HAPSTR1: variants seen among roughly 807,000 people sequenced by gnomAD.
HAPSTR1 encodes HUWE1 associated protein modifying stress responses.
the HAPSTR1 span, chr16:9,106,023 G>C: frequency 1.3e-5 from 2 of 152,320 alleles, no homozygotes; most frequent in East Asian, 1.9e-4. Flanking sequence ...TGTAGACAGA[G>C]TATGACAATG....
the HAPSTR1 span, chr16:9,092,947 T>G: frequency 6.2e-7 from 1 of 1,610,824 alleles, no homozygotes; most frequent in Non-Finnish European, 8.5e-7. Flanking sequence ...GCCAGGACTT[T>G]CTCTCTGGGT....
At chr16:9,112,143 A>G in the HAPSTR1 span, 1 of 152,178 alleles carries the variant, frequency 6.6e-6, no homozygotes, top group Non-Finnish European at 1.5e-5. Context: ...AATTACTGAA[A>G]TCTTCCTAGT....
the HAPSTR1 span, among the ~76,000 whole-genome samples, chr16:9,098,319 G>T: frequency 6.6e-6 from 1 of 152,270 alleles, no homozygotes; most frequent in South Asian, 2.1e-4. Context: ...GGCAGCAAGA[G>T]CGAAAATCCA....
At chr16:9,117,093 A>C in the HAPSTR1 span, 1 of 830,842 alleles carries the variant, frequency 1.2e-6, no homozygotes, top group Non-Finnish European at 1.8e-6. Flanking sequence ...TCTTGTAATT[A>C]TGGCTTTCTT....
At chr16:9,102,859 A>T in the HAPSTR1 span, 1 of 902,172 alleles carries the variant, frequency 1.1e-6, no homozygotes, top group Non-Finnish European at 1.7e-6. Flanking sequence ...AGTTTATATT[A>T]CTGATGGGCT....
At chr16:9,108,794 A>G in the HAPSTR1 span, 1 of 152,082 alleles carries the variant, frequency 6.6e-6, no homozygotes, top group South Asian at 2.1e-4. Flanking sequence ...AACATGCTTG[A>G]CTTCTCCAAG....
the HAPSTR1 span, among the ~76,000 whole-genome samples, chr16:9,092,428 G>A: frequency 6.6e-6 from 1 of 152,038 alleles, no homozygotes; most frequent in South Asian, 2.1e-4. Flanking sequence ...CTCCCCGCAA[G>A]ATGGCGCCGC....
the HAPSTR1 span, among the ~76,000 whole-genome samples, chr16:9,102,241 G>A: frequency 6.6e-6 from 1 of 152,228 alleles, no homozygotes; most frequent in Non-Finnish European, 1.5e-5. Flanking sequence ...ACATACTGGT[G>A]ATGTTCTGCT....
the HAPSTR1 span, chr16:9,104,699 GAC>G: frequency 6.6e-6 from 1 of 152,212 alleles, no homozygotes; most frequent in Admixed American, 6.5e-5. Context: ...CACTGTTCCT[GAC>G]ACAGTGGAAT....
chr16:9,108,303 A>G, the HAPSTR1 span: 2 of 152,098 alleles, frequency 1.3e-5, no homozygotes, highest in Non-Finnish European at 2.9e-5. Context: ...CCAAAATGCA[A>G]ATTTTTTTTT....
At chr16:9,093,789 T>A in the HAPSTR1 span, among the ~76,000 whole-genome samples, 1 of 152,112 alleles carries the variant, frequency 6.6e-6, no homozygotes, top group East Asian at 1.9e-4. Flanking sequence ...TTGGTAACGG[T>A]GGGTTTAGAT....
the HAPSTR1 span, among the ~76,000 whole-genome samples, chr16:9,095,114 A>G: frequency 6.6e-6 from 1 of 152,228 alleles, no homozygotes; most frequent in Non-Finnish European, 1.5e-5. Context: ...TGTTAGTCTG[A>G]ACTAGTTTTA....
At chr16:9,101,992 G>A in the HAPSTR1 span, among the ~76,000 whole-genome samples, 3 of 152,148 alleles carry the variant, frequency 2.0e-5, no homozygotes, top group Admixed American at 2.0e-4. Flanking sequence ...ATGGTGGCGT[G>A]CGCCTGTAAT....
the HAPSTR1 span, chr16:9,092,885 C>CT: frequency 2.6e-6 from 4 of 1,512,970 alleles, no homozygotes; most frequent in African/African-American, 1.4e-5. Flanking sequence ...TTTCTTTTTT[C>CT]TTTTTGGTTT....
At chr16:9,094,346 G>T in the HAPSTR1 span, among the ~76,000 whole-genome samples, 1 of 152,090 alleles carries the variant, frequency 6.6e-6, no homozygotes, top group African/African-American at 2.4e-5. Flanking sequence ...ACATCTATCA[G>T]TGCTGACGGT....
the HAPSTR1 span, chr16:9,091,889 C>T: frequency 9.8e-6 from 5 of 512,418 alleles, no homozygotes; most frequent in Non-Finnish European, 1.5e-5. Flanking sequence ...GGCTCGCCGG[C>T]CGTCGGGGTG....
the HAPSTR1 span, chr16:9,118,187 C>T: frequency 4.6e-5 from 7 of 152,536 alleles, no homozygotes; most frequent in Admixed American, 4.6e-4. Context: ...TGATGTCAGC[C>T]TGCCAGGTAC....
the HAPSTR1 span, chr16:9,106,567 T>A: frequency 1.3e-5 from 2 of 152,000 alleles, no homozygotes; most frequent in African/African-American, 4.8e-5. Flanking sequence ...ATTGCAGGTG[T>A]GAGCCACTGT....
the HAPSTR1 span, chr16:9,112,364 T>G: frequency 6.6e-6 from 1 of 152,258 alleles, no homozygotes; most frequent in African/African-American, 2.4e-5. Context: ...AGTTGTGATT[T>G]CAAATCCCAT....
Sources: allele counts gnomAD v4.1 joint callset (sites outside exome capture counted in the v4.1 genomes callset), GRCh38; gene constraint gnomAD v4.1.1; transcripts MANE v1.5; gene names NCBI Gene and HGNC (gene_info 2026-07-23, HGNC 2026-07-21).